NCKAP5: variants seen among roughly 807,000 people sequenced by gnomAD.
NCKAP5 encodes the protein nck-associated protein 5.
In NCKAP5, 92 loss-of-function variants were observed where a neutral mutation model predicts 167.0. That is an observed-to-expected ratio of 0.55 (90% CI 0.47 to 0.66). The LOEUF (loss-of-function observed/expected upper bound fraction) is 0.66, where lower values mean the gene tolerates loss of function less well. NCKAP5 is among the 30% of genes least tolerant of loss of function. The probability of loss-of-function intolerance (pLI) is 0.00; values close to 1 mark genes in which losing one functional copy is unlikely to be tolerated. For synonymous variants in NCKAP5, 891 were observed against 877.4 expected, an observed-to-expected ratio of 1.02 and a Z score of -0.27; for missense variants, 2,378 against 2,315.0, an observed-to-expected ratio of 1.03 and a Z score of -0.56.
At chr2:133,275,845 A>G (rs147657384) in intron 4 of NCKAP5, among the ~76,000 whole-genome samples, 1 of 152,128 alleles carries the variant, frequency 6.6e-6, no homozygotes, top group Non-Finnish European at 1.5e-5. Flanking sequence ...TAACTTAATC[A>G]TGAAAAAAAT....
At chr2:132,748,389 G>A (rs531655275) in intron 16 of NCKAP5, among the ~76,000 whole-genome samples, 43 of 152,330 alleles carry the variant, frequency 2.8e-4, no homozygotes, top group African/African-American at 9.4e-4. Flanking sequence ...TGCCATGACC[G>A]CCTTCATCAG....
At chr2:133,163,985 C>A (rs1223122902) in intron 5 of NCKAP5, among the ~76,000 whole-genome samples, 1 of 152,136 alleles carries the variant, frequency 6.6e-6, no homozygotes, top group Non-Finnish European at 1.5e-5. Flanking sequence ...CTCAACTGAA[C>A]AAAGCAAGCA....
At chr2:133,213,417 C>T (rs949866393) in intron 5 of NCKAP5, among the ~76,000 whole-genome samples, 2 of 152,114 alleles carry the variant, frequency 1.3e-5, no homozygotes, top group Non-Finnish European at 2.9e-5. Flanking sequence ...TGAACTGTTG[C>T]TCATTTGTGG....
At chr2:132,763,251 C>T (rs951530118) in intron 16 of NCKAP5, among the ~76,000 whole-genome samples, 3 of 152,230 alleles carry the variant, frequency 2.0e-5, no homozygotes, top group East Asian at 1.9e-4. Flanking sequence ...TATCTAAGCT[C>T]GGCTTTCAAG....
intron 4 of NCKAP5, among the ~76,000 whole-genome samples, chr2:133,259,881 A>G (rs2150365484): frequency 6.6e-6 from 1 of 152,340 alleles, no homozygotes; most frequent in East Asian, 1.9e-4. Context: ...TATTCAACAC[A>G]TATTTATTAA....
At chr2:133,220,439 C>T (rs1475975742) in intron 4 of NCKAP5, among the ~76,000 whole-genome samples, 1 of 152,212 alleles carries the variant, frequency 6.6e-6, no homozygotes, top group African/African-American at 2.4e-5. Context: ...AGCTACTCTT[C>T]TTACTCAATT....
chr2:133,422,763 C>G (rs1689562282), intron 3 of NCKAP5, among the ~76,000 whole-genome samples: 1 of 152,098 alleles, frequency 6.6e-6, no homozygotes, highest in Non-Finnish European at 1.5e-5. Flanking sequence ...AAAACTGCAG[C>G]CTTTAACTTC....
chr2:133,205,813 C>A (rs536820676), intron 5 of NCKAP5, among the ~76,000 whole-genome samples: 1 of 151,960 alleles, frequency 6.6e-6, no homozygotes, highest in African/African-American at 2.4e-5. Flanking sequence ...ATATCTCATA[C>A]ATTTCTTCTT....
At chr2:133,114,824 G>C (rs1469649508) in intron 6 of NCKAP5, among the ~76,000 whole-genome samples, 1 of 152,104 alleles carries the variant, frequency 6.6e-6, no homozygotes, top group East Asian at 1.9e-4. Context: ...TGAGATTCAA[G>C]GTTCATTTTT....
intron 3 of NCKAP5, among the ~76,000 whole-genome samples, chr2:133,376,390 ACTC>A (rs2150930905): frequency 6.6e-6 from 1 of 151,790 alleles, no homozygotes; most frequent in African/African-American, 2.4e-5. Flanking sequence ...ATCATCCTCG[ACTC>A]CTCCTTCTCC....
At chr2:133,050,187 G>A (rs1165280156) in intron 6 of NCKAP5, among the ~76,000 whole-genome samples, 1 of 152,260 alleles carries the variant, frequency 6.6e-6, no homozygotes, top group African/African-American at 2.4e-5. Context: ...ATACAGATGT[G>A]TGTCATTCTT....
chr2:132,808,407 G>A (rs1464427332), intron 11 of NCKAP5, among the ~76,000 whole-genome samples: 1 of 151,852 alleles, frequency 6.6e-6, no homozygotes, highest in Non-Finnish European at 1.5e-5. Flanking sequence ...TTTGTTGTTG[G>A]TAATTTTTAA....
intron 16 of NCKAP5, among the ~76,000 whole-genome samples, chr2:132,766,209 G>A (rs1298861267): frequency 5.1e-5 from 7 of 138,544 alleles, no homozygotes; most frequent in Non-Finnish European, 9.1e-5. Context: ...GAACCAGGGT[G>A]TTGGAGGTTG....
intron 5 of NCKAP5, among the ~76,000 whole-genome samples, chr2:133,186,848 CTTT>C (rs2084967466): frequency 6.6e-6 from 1 of 152,008 alleles, no homozygotes; most frequent in Admixed American, 6.6e-5. Context: ...AATTTTTCTT[CTTT>C]GTTAACCTAG....
intron 8 of NCKAP5, among the ~76,000 whole-genome samples, chr2:132,892,303 C>A (rs1692773943): frequency 6.6e-6 from 1 of 152,204 alleles, no homozygotes; most frequent in Admixed American, 6.5e-5. Context: ...CATTTATCAA[C>A]TCAATATTAC....
chr2:133,625,977 T>A, the NCKAP5 span, among the ~76,000 whole-genome samples: 1 of 152,124 alleles, frequency 6.6e-6, no homozygotes, highest in Non-Finnish European at 1.5e-5. Context: ...ACTTAATTGG[T>A]CGCCATTGGG....
At position 133,467,925 on chromosome 2, in the gene NCKAP5, C is replaced by T. The variant is rs546992753; in HGVS notation, c.69+49533G>A. ...TTTTCTTCTTTATTAGTCTTGCTAG[C>T]GGTCTATCAATTTTGTTGATCCTTT... On this transcript the variant is annotated intron_variant, in intron 3 of 19. Transcript: ENST00000409261. 2.6e-3 allele frequency among the ~76,000 whole-genome samples: 326 copies of T among 125,822 alleles called. 30 individuals carry two copies. The highest frequency in any genetic ancestry group is 7.5e-3 in the Middle Eastern group (2 of 268). 82.5% of individuals were successfully genotyped at this position (125,822 alleles called of 152,430 possible).
intron 6 of NCKAP5, among the ~76,000 whole-genome samples, chr2:133,112,363 A>C (rs2149720813): frequency 6.6e-6 from 1 of 152,082 alleles, no homozygotes; most frequent in African/African-American, 2.4e-5. Context: ...AGTCCTGGCT[A>C]CTCGGGAGGC....
At chr2:132,941,949 T>C (rs1697332435) in intron 8 of NCKAP5, among the ~76,000 whole-genome samples, 1 of 152,202 alleles carries the variant, frequency 6.6e-6, no homozygotes, top group African/African-American at 2.4e-5. Flanking sequence ...TTTTAGCATC[T>C]TACAAGATGC....
Sources: gnomAD v4.1 joint callset for allele counts (sites outside exome capture counted in the v4.1 genomes callset) on GRCh38, gnomAD v4.1.1 for gene constraint, MANE v1.5 for transcripts, NCBI Gene and HGNC (gene_info 2026-07-23, HGNC 2026-07-21) for gene names.